The following ENOX1 variants were observed in gnomAD, a reference collection of about 807,000 sequenced individuals.
The protein encoded by ENOX1 is candidate growth-related and time keeping constitutive hydroquinone (NADH) oxidase.
A neutral mutation model predicts 82.5 loss-of-function variants in ENOX1; 42 were observed. The ratio of observed to expected loss-of-function variants is 0.51; its 90% CI spans 0.40 to 0.66. The LOEUF (loss-of-function observed/expected upper bound fraction) is 0.66, where lower values mean the gene tolerates loss of function less well. ENOX1 is among the 30% of genes least tolerant of loss of function. The pLI is 0.00. For missense variants in ENOX1, 608 were observed against 811.6 expected, an observed-to-expected ratio of 0.75 and a Z score of 3.05; for synonymous variants, 271 against 282.2, an observed-to-expected ratio of 0.96 and a Z score of 0.40.
chr13:43,773,213 C>T (rs1440135627), intron 1 of ENOX1, among the ~76,000 whole-genome samples: 1 of 152,178 alleles, frequency 6.6e-6, no homozygotes, highest in East Asian at 1.9e-4. Flanking sequence ...ACATCACTTC[C>T]CTTAAAACCC....
chr13:43,577,059 A>C (rs986923456), intron 2 of ENOX1, among the ~76,000 whole-genome samples: 1 of 152,214 alleles, frequency 6.6e-6, no homozygotes. Context: ...GTTGCCAGAG[A>C]ATGGGAGAGA....
intron 11 of ENOX1, among the ~76,000 whole-genome samples, chr13:43,307,820 A>G (rs1225527748): frequency 2.0e-5 from 3 of 152,214 alleles, no homozygotes; most frequent in Admixed American, 6.5e-5. Flanking sequence ...TTGCAGCCAT[A>G]TGTCTGGAGA....
chr13:43,623,604 G>A (rs528523403), intron 2 of ENOX1, among the ~76,000 whole-genome samples: 46 of 152,040 alleles, frequency 3.0e-4, no homozygotes, highest in African/African-American at 9.2e-4. Flanking sequence ...GTGGTATCCC[G>A]GGTCCACTTC....
intron 5 of ENOX1, among the ~76,000 whole-genome samples, chr13:43,402,305 A>C (rs916049062): frequency 1.3e-5 from 2 of 152,250 alleles, no homozygotes; most frequent in African/African-American, 2.4e-5. Context: ...GTTACTCTTC[A>C]TATCTAACTG....
At chr13:43,528,569 T>G (rs1424669010) in intron 2 of ENOX1, among the ~76,000 whole-genome samples, 1 of 152,126 alleles carries the variant, frequency 6.6e-6, no homozygotes, top group Non-Finnish European at 1.5e-5. Flanking sequence ...TTATGAGTAT[T>G]TTATTGTCCA....
chr13:43,681,074 C>T (rs2153797596), intron 1 of ENOX1, among the ~76,000 whole-genome samples: 1 of 152,282 alleles, frequency 6.6e-6, no homozygotes, highest in East Asian at 1.9e-4. Flanking sequence ...GAGAAGGCCA[C>T]ACTTGCTGCA....
In ENOX1 at chr13:43,740,140, C is replaced by T. The variant is rs1007261145; in HGVS notation, c.-285+46512G>A. 2.0e-5 allele frequency among the ~76,000 whole-genome samples: 3 copies of T among 152,068 alleles called. No homozygotes were observed. The East Asian group carries it at 5.8e-4, about 29-fold the overall frequency. On this transcript the variant is annotated intron_variant, in intron 1 of 16. Coordinates refer to ENST00000690772, the MANE Select transcript of ENOX1 (RefSeq NM_001347969.2). The stretch of plus-strand genomic sequence containing the variant: ...AATGTGTTCCCAGCAGAGGGAACAA[C>T]AGATTCATAAGTCGTGAGTTAGAAG...
intron 2 of ENOX1, among the ~76,000 whole-genome samples, chr13:43,597,709 A>G (rs879337494): frequency 1.3e-5 from 2 of 152,112 alleles, no homozygotes; most frequent in African/African-American, 4.8e-5. Flanking sequence ...AACCCTGCAA[A>G]GTCTCCCATC....
intron 3 of ENOX1, among the ~76,000 whole-genome samples, chr13:43,460,588 A>G (rs1189111444): frequency 6.6e-6 from 1 of 151,984 alleles, no homozygotes; most frequent in African/African-American, 2.4e-5. Flanking sequence ...AGGTCAGGAG[A>G]TCGACACCAT....
intron 2 of ENOX1, among the ~76,000 whole-genome samples, chr13:43,586,383 CA>C (rs2080983288): frequency 6.6e-6 from 1 of 152,230 alleles, no homozygotes; most frequent in Non-Finnish European, 1.5e-5. Flanking sequence ...GCTTGACCAG[CA>C]TGACATTCAT....
intron 2 of ENOX1, among the ~76,000 whole-genome samples, chr13:43,538,715 T>C (rs2078573218): frequency 6.6e-6 from 1 of 152,180 alleles, no homozygotes; most frequent in African/African-American, 2.4e-5. Flanking sequence ...TATAATGATG[T>C]CCTCCTCTTT....
intron 2 of ENOX1, among the ~76,000 whole-genome samples, chr13:43,628,572 T>C (rs756565289): frequency 5.3e-5 from 8 of 152,228 alleles, no homozygotes; most frequent in Non-Finnish European, 1.2e-4. Context: ...TCAAATCCTT[T>C]TCAGATAATT....
At chr13:43,590,360 GAA>G (rs1240637321) in intron 2 of ENOX1, among the ~76,000 whole-genome samples, 2 of 152,048 alleles carry the variant, frequency 1.3e-5, no homozygotes, top group Admixed American at 1.3e-4. Flanking sequence ...ATGAATGATC[GAA>G]AATGAGAAGG....
At chr13:43,656,635 A>G (rs1412383623) in intron 2 of ENOX1, among the ~76,000 whole-genome samples, 1 of 152,182 alleles carries the variant, frequency 6.6e-6, no homozygotes, top group African/African-American at 2.4e-5. Context: ...GACATACTAT[A>G]GGACTAAAAA....
chr13:43,357,003 G>T lies in ENOX1; in HGVS notation c.590-851C>A, dbSNP rs6561123. On this transcript the variant is annotated intron_variant, in intron 7 of 16. Transcript: ENST00000690772. Reference sequence around the variant, plus strand: ...TACCCAACTTAGATAAAGATTATGAGCAGAAATTTGATCTGAGAGATCAAC... The same window carrying T: ...TACCCAACTTAGATAAAGATTATGATCAGAAATTTGATCTGAGAGATCAAC... Among the ~76,000 whole-genome samples the T allele has an allele frequency of 3.9e-3, 585 of 151,536 alleles. 1 individual carries two copies. Among genetic ancestry groups the T allele is most frequent in the African/African-American group, 0.014 (563 of 41,208 alleles).
At chr13:43,325,988 A>T (rs2153529982) in intron 10 of ENOX1, among the ~76,000 whole-genome samples, 1 of 152,168 alleles carries the variant, frequency 6.6e-6, no homozygotes, top group South Asian at 2.1e-4. Flanking sequence ...AGGGACTAAG[A>T]TGTTGCTTAT....
rs548564731 is a variant in ENOX1, at chr13:43,742,796, G to C, written c.-285+43856C>G. On this transcript the variant is annotated intron_variant, in intron 1 of 16. Coordinates refer to ENST00000690772, the MANE Select transcript of ENOX1 (RefSeq NM_001347969.2). ...GCTGATAGGATCTGCTAAGAGACTG[G>C]ATGTAGGTGTGAGATAAAGAAAGGA... is the stretch of plus-strand genomic sequence containing the variant. Among the ~76,000 whole-genome samples, 5 of 152,294 alleles carry C rather than the reference G, an allele frequency of 3.3e-5. No homozygotes were observed. In the South Asian group the frequency reaches 1.0e-3, roughly 32 times the overall value.
intron 1 of ENOX1, among the ~76,000 whole-genome samples, chr13:43,683,615 C>T (rs2085907743): frequency 6.6e-6 from 1 of 152,100 alleles, no homozygotes; most frequent in African/African-American, 2.4e-5. Context: ...CTCCTCAGAG[C>T]CCCACTCACT....
chr13:43,569,847 G>A (rs979056288), intron 2 of ENOX1, among the ~76,000 whole-genome samples: 2 of 152,020 alleles, frequency 1.3e-5, no homozygotes, highest in Non-Finnish European at 2.9e-5. Flanking sequence ...CTCTGACTTG[G>A]TTTTGAAAAC....
Sources: allele counts gnomAD v4.1 joint callset (sites outside exome capture counted in the v4.1 genomes callset), GRCh38; gene constraint gnomAD v4.1.1; transcripts MANE v1.5; gene names NCBI Gene and HGNC (gene_info 2026-07-23, HGNC 2026-07-21).